Variants in HHAT observed in about 807,000 individuals in gnomAD.
HHAT encodes protein-cysteine N-palmitoyltransferase HHAT.
HHAT carries 47 observed loss-of-function variants against 70.8 expected under a neutral mutation model. The observed-to-expected ratio is 0.66, with a 90% confidence interval of 0.53 to 0.85. HHAT has a LOEUF of 0.85. Ranked by LOEUF, HHAT falls within the 40% of genes least tolerant of loss-of-function variation. The pLI, the probability that HHAT is intolerant of heterozygous loss-of-function variation, is 0.00. For missense variants in HHAT, 609 were observed against 604.8 expected (o/e 1.01, Z -0.07); for synonymous variants, 228 against 247.6 (o/e 0.92, Z 0.74).
At chr1:210,403,871 G>A (rs544720510) in intron 5 of HHAT, among the ~76,000 whole-genome samples, 2 of 147,664 alleles carry the variant, frequency 1.4e-5, no homozygotes, top group South Asian at 4.3e-4. Context: ...ATGCTCTATT[G>A]TAATTGCATT....
At chr1:210,572,738 A>T (rs77571492) in intron 9 of HHAT, among the ~76,000 whole-genome samples, 1,673 of 151,406 alleles carry the variant, frequency 0.011, 26 homozygotes, top group African/African-American at 0.036. Flanking sequence ...TAAAATATAT[A>T]AAAAAAAATG....
intron 10 of HHAT, among the ~76,000 whole-genome samples, chr1:210,591,640 G>C (rs939157121): frequency 4.6e-5 from 7 of 151,942 alleles, no homozygotes; most frequent in African/African-American, 1.4e-4. Flanking sequence ...TCCATACCGT[G>C]GTCTTGTACT....
Position 210,449,852 on chromosome 1 carries a change from G to A in HHAT, c.857-14653G>A, listed in dbSNP as rs79308215. On this transcript the variant is annotated intron_variant, in intron 7 of 11. Transcript: ENST00000261458. ...GGTCTCCATAAAGAAATTTCTACTCGCTAATTCGCTCTCTAAATGTTGGGT... is the reference window on the plus strand; with the variant it reads ...GGTCTCCATAAAGAAATTTCTACTCACTAATTCGCTCTCTAAATGTTGGGT... Among the ~76,000 whole-genome samples, 1,261 of 152,220 alleles carry A rather than the reference G, an allele frequency of 8.3e-3. 10 individuals carry two copies. The highest frequency in any genetic ancestry group is 0.029 in the African/African-American group (1,210 of 41,530).
At chr1:210,467,748 G>T (rs1200889723) in intron 8 of HHAT, among the ~76,000 whole-genome samples, 1 of 152,118 alleles carries the variant, frequency 6.6e-6, no homozygotes, top group African/African-American at 2.4e-5. Flanking sequence ...AAAGATCTAC[G>T]CTGAATGAGG....
intron 9 of HHAT, among the ~76,000 whole-genome samples, chr1:210,543,066 T>A (rs977199969): frequency 6.6e-6 from 1 of 152,172 alleles, no homozygotes; most frequent in Admixed American, 6.5e-5. Context: ...GCTTTTGATT[T>A]TCTTTTTCTG....
At chr1:210,395,693 T>A (rs972252936) in intron 4 of HHAT, among the ~76,000 whole-genome samples, 1 of 152,222 alleles carries the variant, frequency 6.6e-6, no homozygotes, top group Non-Finnish European at 1.5e-5. Context: ...CCATTGTTTA[T>A]AAGGGGTTAA....
chr1:210,627,740 T>TA (rs569883412), intron 11 of HHAT, among the ~76,000 whole-genome samples: 440 of 152,156 alleles, frequency 2.9e-3, no homozygotes, highest in African/African-American at 9.8e-3. Flanking sequence ...GTTTTTGCTT[T>TA]AAAAAAAACT....
chr1:210,414,871 A>G (rs767120757), intron 6 of HHAT, among the ~76,000 whole-genome samples: 2 of 152,118 alleles, frequency 1.3e-5, no homozygotes, highest in Non-Finnish European at 2.9e-5. Context: ...TACAAAAAAT[A>G]GCCAGGTGTG....
chr1:210,388,312 T>G (rs1209583540), intron 4 of HHAT, among the ~76,000 whole-genome samples: 1 of 152,276 alleles, frequency 6.6e-6, no homozygotes, highest in East Asian at 1.9e-4. Context: ...AGGAAAAATG[T>G]TTTGATTCTC....
intron 1 of HHAT, among the ~76,000 whole-genome samples, chr1:210,337,124 A>G (rs1235920247): frequency 1.3e-5 from 2 of 152,226 alleles, no homozygotes; most frequent in African/African-American, 4.8e-5. Context: ...TAAGATTGAT[A>G]TCAGTGTGGG....
intron 2 of HHAT, among the ~76,000 whole-genome samples, chr1:210,349,412 G>A (rs1276657576): frequency 4.6e-5 from 7 of 152,098 alleles, no homozygotes; most frequent in African/African-American, 1.2e-4. Context: ...ATCTGGGTTC[G>A]TTTTGTCTTC....
chr1:210,381,624 G>T (rs2090644318), intron 3 of HHAT, among the ~76,000 whole-genome samples: 1 of 152,124 alleles, frequency 6.6e-6, no homozygotes, highest in South Asian at 2.1e-4. Context: ...CTTAGACTCT[G>T]CTTCATTTGT....
At chr1:210,613,299 C>G (rs1331409170) in intron 10 of HHAT, among the ~76,000 whole-genome samples, 1 of 152,116 alleles carries the variant, frequency 6.6e-6, no homozygotes, top group Non-Finnish European at 1.5e-5. Flanking sequence ...GTATAAGGGT[C>G]CAGTTTCGTT....
intron 7 of HHAT, among the ~76,000 whole-genome samples, chr1:210,423,191 G>A (rs1443696860): frequency 1.3e-5 from 2 of 152,136 alleles, no homozygotes; most frequent in Non-Finnish European, 2.9e-5. Context: ...CACCAACAAT[G>A]TGTAAGAATT....
Position 210,444,275 on chromosome 1 carries a change from A to G in HHAT, c.857-20230A>G, listed in dbSNP as rs1194191528. On this transcript the variant is annotated intron_variant, in intron 7 of 11. Coordinates refer to ENST00000261458, the MANE Select transcript of HHAT (RefSeq NM_018194.6). Reference sequence around the variant, plus strand: ...GTATTTTATTGAGGATTTTTGCATCAATGTTCATCAAGGATATTGGTCTAA... The same window carrying G: ...GTATTTTATTGAGGATTTTTGCATCGATGTTCATCAAGGATATTGGTCTAA... 5.9e-5 allele frequency among the ~76,000 whole-genome samples: 7 copies of G among 117,858 alleles called. 2 individuals carry two copies. The highest frequency in any genetic ancestry group is 8.8e-5 in the Admixed American group (1 of 11,324). 77.3% of individuals were successfully genotyped at this position (117,858 alleles called of 152,430 possible). A position where few individuals can be genotyped will look rare whatever the true frequency, so the allele number is the denominator to read the frequency against.
At chr1:210,598,197 A>G (rs1375561689) in intron 10 of HHAT, among the ~76,000 whole-genome samples, 1 of 151,668 alleles carries the variant, frequency 6.6e-6, no homozygotes, top group Non-Finnish European at 1.5e-5. Flanking sequence ...CACGTATCCA[A>G]ATTGCAAGAC....
intron 9 of HHAT, among the ~76,000 whole-genome samples, chr1:210,571,081 C>T (rs1157368899): frequency 6.6e-6 from 1 of 152,234 alleles, no homozygotes; most frequent in Non-Finnish European, 1.5e-5. Context: ...TGCTTCTTAA[C>T]CTCTGAAAAT....
At chr1:210,594,982 T>A (rs1662606656) in intron 10 of HHAT, among the ~76,000 whole-genome samples, 1 of 152,102 alleles carries the variant, frequency 6.6e-6, no homozygotes. Flanking sequence ...TTAAATTAAT[T>A]TATTTAAGTT....
intron 11 of HHAT, among the ~76,000 whole-genome samples, chr1:210,664,344 G>A (rs10746432): frequency 0.41 from 61,712 of 152,082 alleles, 12,810 homozygotes; most frequent in Non-Finnish European, 0.44. Flanking sequence ...CCACCTTATC[G>A]TTTCCCCCTA....
Sources: allele counts gnomAD v4.1 joint callset (sites outside exome capture counted in the v4.1 genomes callset), GRCh38; gene constraint gnomAD v4.1.1; transcripts MANE v1.5; gene names NCBI Gene and HGNC (gene_info 2026-07-23, HGNC 2026-07-21).